The following GRK3 variants were observed in gnomAD, a reference collection of about 807,000 sequenced individuals.
GRK3 encodes the protein G protein-coupled receptor kinase 3.
In GRK3, 54 loss-of-function variants were observed where a neutral mutation model predicts 95.7. That is an observed-to-expected ratio of 0.56 (90% CI 0.45 to 0.71). The LOEUF (loss-of-function observed/expected upper bound fraction) is 0.71, where lower values mean the gene tolerates loss of function less well. Ranked by LOEUF, GRK3 falls within the 30% of genes least tolerant of loss-of-function variation. The pLI is 0.00. For missense variants in GRK3, 649 were observed against 851.2 expected, an observed-to-expected ratio of 0.76 and a Z score of 2.96; for synonymous variants, 281 against 290.8, an observed-to-expected ratio of 0.97 and a Z score of 0.34.
chr22:25,666,167 C>G (rs2084940536), intron 5 of GRK3, among the ~76,000 whole-genome samples: 1 of 152,192 alleles, frequency 6.6e-6, no homozygotes, highest in Non-Finnish European at 1.5e-5. Flanking sequence ...ATGGTAGATT[C>G]TACGTAGTCT....
At chr22:25,609,508 T>G (rs1263099316) in intron 2 of GRK3, among the ~76,000 whole-genome samples, 1 of 151,928 alleles carries the variant, frequency 6.6e-6, no homozygotes, top group Non-Finnish European at 1.5e-5. Flanking sequence ...ATTTTTGTAT[T>G]TTTAGTAGAG....
chr22:25,579,902 G>A (rs1217830615), intron 1 of GRK3, among the ~76,000 whole-genome samples: 1 of 152,156 alleles, frequency 6.6e-6, no homozygotes, highest in Non-Finnish European at 1.5e-5. Flanking sequence ...GTATGATATC[G>A]CTAAATGAAA....
intron 2 of GRK3, among the ~76,000 whole-genome samples, chr22:25,643,257 G>A (rs1410104909): frequency 6.6e-6 from 1 of 152,226 alleles, no homozygotes; most frequent in African/African-American, 2.4e-5. Flanking sequence ...GAGGAGCGTG[G>A]CTGTGCTCCT....
At chr22:25,577,091 A>T (rs1931926774) in intron 1 of GRK3, among the ~76,000 whole-genome samples, 2 of 152,284 alleles carry the variant, frequency 1.3e-5, no homozygotes, top group South Asian at 4.1e-4. Context: ...TGCATTCTTA[A>T]TTAAAATTCA....
At chr22:25,594,131 C>T (rs2146330404) in intron 1 of GRK3, among the ~76,000 whole-genome samples, 1 of 152,184 alleles carries the variant, frequency 6.6e-6, no homozygotes, top group African/African-American at 2.4e-5. Context: ...TTTACCCATC[C>T]TGTGAAAAAT....
chr22:25,588,876 C>T (rs963554316), intron 1 of GRK3, among the ~76,000 whole-genome samples: 1 of 151,024 alleles, frequency 6.6e-6, no homozygotes, highest in African/African-American at 2.4e-5. Context: ...TCAAGTAATT[C>T]TCCTACCTCA....
chr22:25,594,901 T>C (rs1391265367), intron 1 of GRK3, among the ~76,000 whole-genome samples: 2 of 151,406 alleles, frequency 1.3e-5, no homozygotes, highest in African/African-American at 4.9e-5. Flanking sequence ...ATAAATAAAA[T>C]AAATAAATAA....
chr22:25,709,970 C>T lies in GRK3; in HGVS notation c.1395+6C>T. On this transcript the variant is annotated splice_donor_region_variant and intron_variant, in intron 16 of 20. Coordinates refer to ENST00000324198, the MANE Select transcript of GRK3 (RefSeq NM_005160.4). ...AGCATGTCTACTTACAAAAGGTACTCACTCCCTCTTGACTCTACTTACGGT... is the reference window on the plus strand; with the variant it reads ...AGCATGTCTACTTACAAAAGGTACTTACTCCCTCTTGACTCTACTTACGGT... 2.5e-6 allele frequency: 4 copies of T among 1,606,976 alleles called. No homozygotes were observed. The highest frequency in any genetic ancestry group is 3.4e-6 in the Non-Finnish European group (4 of 1,173,478).
At chr22:25,687,990 A>G (rs934052695) in intron 11 of GRK3, among the ~76,000 whole-genome samples, 3 of 152,168 alleles carry the variant, frequency 2.0e-5, no homozygotes, top group Admixed American at 6.5e-5. Flanking sequence ...TAATCCCAGC[A>G]CTTTGGGAGG....
intron 2 of GRK3, among the ~76,000 whole-genome samples, chr22:25,623,230 C>T (rs745520077): frequency 5.3e-5 from 8 of 152,212 alleles, no homozygotes; most frequent in South Asian, 2.1e-4. Context: ...GTGTGAGCCA[C>T]CATGCCCGGC....
intron 1 of GRK3, among the ~76,000 whole-genome samples, chr22:25,568,481 AC>A (rs1163157658): frequency 6.6e-6 from 1 of 152,228 alleles, no homozygotes; most frequent in Non-Finnish European, 1.5e-5. Flanking sequence ...AAGTATTCAT[AC>A]AATATGATAG....
chr22:25,703,564 G>A lies in GRK3; in HGVS notation c.1215G>A (p.Met405Ile). ...KTKDKHEIDR[M>I]TLTVNVELPD... ...AAGACAAGCATGAAATTGACCGAAT[G>A]ACACTCACCGTGGTAAGGGGATTCA... is the stretch of plus-strand genomic sequence containing the variant. The change falls in exon 14 of 21, where the codon ATG becomes ATA. Residue 405 changes from methionine (M) to isoleucine (I), a missense_variant. Transcript: ENST00000324198. The A allele has an allele frequency of 6.2e-7, 1 of 1,612,280 alleles. No homozygotes were observed. The highest frequency in any genetic ancestry group is 1.7e-5 in the Admixed American group (1 of 60,014).
At chr22:25,608,059 T>C (rs113735527) in intron 2 of GRK3, among the ~76,000 whole-genome samples, 3,449 of 152,052 alleles carry the variant, frequency 0.023, 60 homozygotes, top group Middle Eastern at 0.068. Context: ...TAGTCAGGTC[T>C]CTAAAGTGGG....
intron 8 of GRK3, among the ~76,000 whole-genome samples, chr22:25,674,899 A>G (rs1479606674): frequency 3.3e-5 from 5 of 152,084 alleles, no homozygotes; most frequent in Non-Finnish European, 7.4e-5. Flanking sequence ...CAGTGAGCGG[A>G]GTTTGCCACT....
In GRK3 at chr22:25,690,282, G is replaced by A. The variant is rs764137519; in HGVS notation, c.1051G>A (p.Val351Ile). The part of the protein sequence containing the change: ...DFSKKKPHAS[V>I]GTHGYMAPEV... The stretch of plus-strand genomic sequence containing the variant: ...TTCCAAAAAGAAGCCTCATGCGAGT[G>A]TGTAAGTAGTGCGTCAACTTCAGTT... Residue 351 changes from valine (V) to isoleucine (I), a missense_variant and splice_region_variant, in exon 12 of 21, where the codon GTT becomes ATT. By Grantham distance (29) the Val-to-Ile change is conservative. Coordinates refer to ENST00000324198, the MANE Select transcript of GRK3 (RefSeq NM_005160.4). 3 of 1,610,362 alleles carry A rather than the reference G, an allele frequency of 1.9e-6. No individual in the cohort carries two copies. The South Asian group carries it at 3.3e-5, about 18-fold the overall frequency.
intron 1 of GRK3, among the ~76,000 whole-genome samples, chr22:25,600,754 T>C (rs922972711): frequency 6.6e-6 from 1 of 152,176 alleles, no homozygotes; most frequent in Non-Finnish European, 1.5e-5. Context: ...AACGGATGAC[T>C]ATCTGTTGTA....
intron 5 of GRK3, among the ~76,000 whole-genome samples, chr22:25,667,488 A>G (rs1051266688): frequency 6.6e-6 from 1 of 152,234 alleles, no homozygotes; most frequent in African/African-American, 2.4e-5. Context: ...GCCAGGAGTC[A>G]TATTAGGTAG....
chr22:25,601,249 A>C (rs2084407764), intron 1 of GRK3, among the ~76,000 whole-genome samples: 2 of 152,250 alleles, frequency 1.3e-5, no homozygotes, highest in African/African-American at 4.8e-5. Context: ...ACAGTAGATC[A>C]TATTCTAGGC....
intron 1 of GRK3, among the ~76,000 whole-genome samples, chr22:25,570,411 A>G (rs1413272428): frequency 1.3e-5 from 2 of 152,234 alleles, no homozygotes; most frequent in African/African-American, 2.4e-5. Context: ...GGGCAGCCTG[A>G]GCTGTCCCCT....
Sources: gnomAD v4.1 joint callset for allele counts (sites outside exome capture counted in the v4.1 genomes callset) on GRCh38, gnomAD v4.1.1 for gene constraint, MANE v1.5 for transcripts, NCBI Gene and HGNC (gene_info 2026-07-23, HGNC 2026-07-21) for gene names.